Variants in DNAJC1 observed in about 807,000 individuals in gnomAD.
The protein encoded by DNAJC1 is DnaJ heat shock protein family (Hsp40) member C1.
In DNAJC1, 58 loss-of-function variants were observed where a neutral mutation model predicts 76.6. That is an observed-to-expected ratio of 0.76 (90% CI 0.61 to 0.94). The LOEUF is 0.94. DNAJC1 is among the 40% of genes least tolerant of loss of function. The pLI is 0.00. For missense variants in DNAJC1, 689 were observed against 677.3 expected (o/e 1.02, Z -0.19); for synonymous variants, 258 against 267.9 (o/e 0.96, Z 0.36).
At chr10:22,002,858 TAAA>T (rs555296824) in intron 1 of DNAJC1, among the ~76,000 whole-genome samples, 1 of 137,406 alleles carries the variant, frequency 7.3e-6, no homozygotes. Flanking sequence ...GGTGTTAAAT[TAAA>T]AAAAAAAAAA....
At chr10:21,776,219 G>A (rs1282127330) in intron 9 of DNAJC1, among the ~76,000 whole-genome samples, 1 of 152,062 alleles carries the variant, frequency 6.6e-6, no homozygotes, top group Non-Finnish European at 1.5e-5. Flanking sequence ...CCAGAGCTAG[G>A]ATCAGTCAAC....
chr10:21,858,992 T>A (rs912632989), intron 8 of DNAJC1, among the ~76,000 whole-genome samples: 1 of 152,162 alleles, frequency 6.6e-6, no homozygotes, highest in Non-Finnish European at 1.5e-5. Context: ...AAAAAGTATA[T>A]CACCAACTTA....
intron 9 of DNAJC1, among the ~76,000 whole-genome samples, chr10:21,790,851 C>A (rs749804552): frequency 2.0e-5 from 3 of 152,080 alleles, no homozygotes; most frequent in Non-Finnish European, 4.4e-5. Context: ...AACAAAATGA[C>A]AGGAGTAAGT....
At chr10:21,830,596 T>A (rs982318448) in intron 8 of DNAJC1, among the ~76,000 whole-genome samples, 1 of 152,222 alleles carries the variant, frequency 6.6e-6, no homozygotes, top group Non-Finnish European at 1.5e-5. Context: ...CAGTATACTA[T>A]GTACTACTCA....
chr10:21,913,974 A>G (rs915716024), intron 6 of DNAJC1, among the ~76,000 whole-genome samples: 9 of 152,036 alleles, frequency 5.9e-5, no homozygotes, highest in Admixed American at 3.9e-4. Flanking sequence ...GTAGTCATCC[A>G]TTTCACTCCT....
intron 1 of DNAJC1, among the ~76,000 whole-genome samples, chr10:21,993,123 T>TAC (rs1164597036): frequency 6.6e-6 from 1 of 151,868 alleles, no homozygotes; most frequent in Non-Finnish European, 1.5e-5. Flanking sequence ...ACCATATATA[T>TAC]ATACTTTACA....
At chr10:21,983,519 G>A (rs773776114) in intron 1 of DNAJC1, among the ~76,000 whole-genome samples, 27 of 152,130 alleles carry the variant, frequency 1.8e-4, no homozygotes, top group Non-Finnish European at 2.9e-4. Context: ...GAGGCCAGGA[G>A]TTCGAGACCA....
rs541389580 is a variant in DNAJC1 at position 22,003,155 on chromosome 10, G to A, written c.222+58C>T. The A allele has an allele frequency of 5.5e-5, 77 of 1,410,686 alleles. No individual in the cohort carries two copies. In the African/African-American group the frequency reaches 1.1e-3, roughly 20 times the overall value. 87.4% of individuals were successfully genotyped at this position (1,410,686 alleles called of 1,614,324 possible). On this transcript the variant is annotated intron_variant, in intron 1 of 11. Coordinates refer to ENST00000376980, the MANE Select transcript of DNAJC1 (RefSeq NM_022365.4). Reference sequence around the variant, plus strand: ...TGTCCGGCTGTCTCTGAGGAACCGGGTCGCCTGACGCCTGCCCTGGCCCCT... The same window carrying A: ...TGTCCGGCTGTCTCTGAGGAACCGGATCGCCTGACGCCTGCCCTGGCCCCT...
chr10:21,974,264 C>T (rs917103675), intron 1 of DNAJC1, among the ~76,000 whole-genome samples: 6 of 152,118 alleles, frequency 3.9e-5, no homozygotes, highest in Admixed American at 3.3e-4. Context: ...TTTTCACCCT[C>T]AAGAACATAG....
chr10:21,867,559 C>T (rs577730601), intron 8 of DNAJC1, among the ~76,000 whole-genome samples: 16 of 152,108 alleles, frequency 1.1e-4, no homozygotes, highest in Non-Finnish European at 1.8e-4. Flanking sequence ...CAGTTTCACA[C>T]GACTAGCAAA....
intron 1 of DNAJC1, among the ~76,000 whole-genome samples, chr10:21,956,766 C>T (rs1271111120): frequency 1.3e-5 from 2 of 149,712 alleles, no homozygotes; most frequent in Non-Finnish European, 3.0e-5. Flanking sequence ...AGCACAGCAG[C>T]CAGATTAAAA....
At chr10:21,882,240 G>A (rs1351097585) in intron 8 of DNAJC1, 42 bp downstream of exon 8, 8 of 1,547,986 alleles carry the variant, frequency 5.2e-6, no homozygotes, top group Middle Eastern at 2.2e-4. Context: ...GTGCTTTTCT[G>A]TACATGTTTT....
chr10:21,911,098 G>A (rs1265628293), intron 6 of DNAJC1, among the ~76,000 whole-genome samples: 12 of 149,448 alleles, frequency 8.0e-5, no homozygotes, highest in Non-Finnish European at 1.3e-4. Flanking sequence ...GCGGGAAGGC[G>A]GGAAGGCGGG....
intron 1 of DNAJC1, among the ~76,000 whole-genome samples, chr10:21,971,782 T>G (rs1837983152): frequency 6.6e-6 from 1 of 151,884 alleles, no homozygotes; most frequent in South Asian, 2.1e-4. Flanking sequence ...TAAAGATAAC[T>G]AAATCATTTT....
At chr10:21,895,039 T>C (rs968396086) in intron 7 of DNAJC1, among the ~76,000 whole-genome samples, 38 of 152,170 alleles carry the variant, frequency 2.5e-4, no homozygotes, top group African/African-American at 8.4e-4. Context: ...TTATTTTGTA[T>C]AGCAGCACAA....
At chr10:21,870,061 T>G (rs1032790929) in intron 8 of DNAJC1, among the ~76,000 whole-genome samples, 3 of 151,950 alleles carry the variant, frequency 2.0e-5, no homozygotes, top group African/African-American at 7.3e-5. Flanking sequence ...CCTAAAAAGA[T>G]AGCAAATCAA....
intron 1 of DNAJC1, among the ~76,000 whole-genome samples, chr10:21,955,065 T>C (rs1311378901): frequency 6.6e-6 from 1 of 152,120 alleles, no homozygotes; most frequent in Non-Finnish European, 1.5e-5. Context: ...GCCAGTAGCA[T>C]TACCCACTCC....
intron 9 of DNAJC1, among the ~76,000 whole-genome samples, chr10:21,797,551 T>C (rs952704900): frequency 6.6e-6 from 1 of 152,192 alleles, no homozygotes; most frequent in African/African-American, 2.4e-5. Context: ...TCTTCCAAAG[T>C]TCATTTGTTG....
intron 1 of DNAJC1, among the ~76,000 whole-genome samples, chr10:21,983,119 C>T (rs1701440540): frequency 6.6e-6 from 1 of 152,056 alleles, no homozygotes; most frequent in Admixed American, 6.5e-5. Flanking sequence ...TAGGTATATA[C>T]CTAAAAGAAT....
Sources: gnomAD v4.1 joint callset for allele counts (sites outside exome capture counted in the v4.1 genomes callset) on GRCh38, gnomAD v4.1.1 for gene constraint, MANE v1.5 for transcripts, NCBI Gene and HGNC (gene_info 2026-07-23, HGNC 2026-07-21) for gene names.